Variants in GSTCD observed in about 807,000 individuals in gnomAD.
GSTCD encodes the protein glutathione S-transferase C-terminal domain containing, also known as glutathione S-transferase C-terminal domain-containing protein.
A neutral mutation model predicts 68.3 loss-of-function variants in GSTCD; 44 were observed. The observed-to-expected ratio is 0.64, with a 90% CI of 0.51 to 0.83. The LOEUF (loss-of-function observed/expected upper bound fraction) is 0.83. Ranked by LOEUF, GSTCD falls within the 40% of genes least tolerant of loss-of-function variation. The probability of loss-of-function intolerance (pLI) is 0.00; values close to 1 mark genes in which losing one functional copy is unlikely to be tolerated. For synonymous variants in GSTCD, 273 were observed against 255.2 expected (o/e 1.07, Z -0.67); for missense variants, 739 against 735.9 (o/e 1.00, Z -0.05).
intron 5 of GSTCD, among the ~76,000 whole-genome samples, chr4:105,744,216 G>A (rs1578429104): frequency 1.3e-5 from 2 of 152,306 alleles, no homozygotes. Context: ...ATTTTGGGCA[G>A]GAATATCACA....
chr4:105,746,393 A>C (rs1217612229), intron 5 of GSTCD: 1 of 152,238 alleles, frequency 6.6e-6, no homozygotes, highest in Admixed American at 6.6e-5. Context: ...GAGCATTTCA[A>C]ACCTGTGGGT....
chr4:105,721,648 TTTTG>T (rs1732861498), intron 3 of GSTCD, among the ~76,000 whole-genome samples: 1 of 152,100 alleles, frequency 6.6e-6, no homozygotes, highest in South Asian at 2.1e-4. Context: ...GAGGTGTTTT[TTTTG>T]TTTTTTTTTA....
chr4:105,751,833 T>C (rs796343091), intron 5 of GSTCD, among the ~76,000 whole-genome samples: 3 of 152,322 alleles, frequency 2.0e-5, no homozygotes, highest in African/African-American at 7.2e-5. Flanking sequence ...AAACTAAGTA[T>C]CTTATTTTGA....
At chr4:105,828,200 G>C (rs1578516954) in intron 8 of GSTCD, among the ~76,000 whole-genome samples, 2 of 152,028 alleles carry the variant, frequency 1.3e-5, no homozygotes, top group African/African-American at 4.8e-5. Context: ...TCTAGTTATT[G>C]GTATTTGCTT....
chr4:105,791,354 C>T (rs913217889), intron 5 of GSTCD, among the ~76,000 whole-genome samples: 4 of 146,350 alleles, frequency 2.7e-5, no homozygotes, highest in African/African-American at 7.7e-5. Context: ...GATCGCGCCA[C>T]TGCACTCCAG....
intron 5 of GSTCD, among the ~76,000 whole-genome samples, chr4:105,803,146 C>T (rs1431083880): frequency 6.6e-6 from 1 of 152,108 alleles, no homozygotes; most frequent in Admixed American, 6.6e-5. Flanking sequence ...AATACCAAAA[C>T]ATTTGTTCCT....
chr4:105,794,885 A>ATCTG lies in GSTCD; in HGVS notation c.1241-28066_1241-28065insGTCT, dbSNP rs1256056253. On this transcript the variant is annotated intron_variant, in intron 5 of 11. Coordinates refer to ENST00000515279, the MANE Select transcript of GSTCD (RefSeq NM_001370181.1). ...TATCTATCTATCTATCTATCTATCT[A>ATCTG]TCTATCTATGAGACAGAGTCTCACT... Among the ~76,000 whole-genome samples the ATCTG allele has an allele frequency of 4.7e-5, 6 of 128,944 alleles. No homozygotes were observed. In the South Asian group the frequency reaches 7.2e-4, roughly 16 times the overall value. The allele number at this position is 128,944 out of a possible 152,430, so 84.6% of individuals were successfully genotyped here.
intron 5 of GSTCD, among the ~76,000 whole-genome samples, chr4:105,771,140 T>C (rs1039664990): frequency 6.6e-5 from 10 of 152,178 alleles, no homozygotes; most frequent in Middle Eastern, 3.2e-3. Flanking sequence ...GAGTTTTTTT[T>C]CCATATGTTT....
chr4:105,838,535 A>T (rs534577424), intron 10 of GSTCD, among the ~76,000 whole-genome samples: 1 of 152,228 alleles, frequency 6.6e-6, no homozygotes, highest in Non-Finnish European at 1.5e-5. Context: ...AAGCCACACA[A>T]AAACTGGTCA....
chr4:105,796,164 G>A (rs1382514628), intron 5 of GSTCD, among the ~76,000 whole-genome samples: 1 of 152,212 alleles, frequency 6.6e-6, no homozygotes, highest in East Asian at 1.9e-4. Context: ...AAAGACAAGG[G>A]AGAGCAAGTC....
intron 5 of GSTCD, among the ~76,000 whole-genome samples, chr4:105,818,511 C>G (rs1450169474): frequency 6.6e-6 from 1 of 151,776 alleles, no homozygotes; most frequent in Non-Finnish European, 1.5e-5. Context: ...ATGAGGTTAG[C>G]AAATTAATCA....
intron 5 of GSTCD, among the ~76,000 whole-genome samples, chr4:105,739,051 T>C (rs1025835736): frequency 6.6e-6 from 1 of 152,234 alleles, no homozygotes; most frequent in Non-Finnish European, 1.5e-5. Flanking sequence ...ACAAAGGATG[T>C]TGAATTTTAT....
chr4:105,810,603 T>C (rs1578495097), intron 5 of GSTCD, among the ~76,000 whole-genome samples: 2 of 152,290 alleles, frequency 1.3e-5, no homozygotes, highest in African/African-American at 4.8e-5. Context: ...ATTTTAACGG[T>C]GAACACTACT....
chr4:105,773,090 G>A (rs1442096722), intron 5 of GSTCD, among the ~76,000 whole-genome samples: 1 of 152,184 alleles, frequency 6.6e-6, no homozygotes, highest in African/African-American at 2.4e-5. Context: ...TCCTGGGAAG[G>A]TGTATGTGTC....
chr4:105,766,576 A>G (rs2544402), intron 5 of GSTCD, among the ~76,000 whole-genome samples: 124,537 of 152,124 alleles, frequency 0.82, 51,313 homozygotes, highest in East Asian at 0.96. Flanking sequence ...AATTAATTCT[A>G]TTTTTGTCAT....
chr4:105,736,328 G>T (rs1277806091), intron 5 of GSTCD, among the ~76,000 whole-genome samples: 4 of 152,108 alleles, frequency 2.6e-5, no homozygotes, highest in Non-Finnish European at 5.9e-5. Context: ...TGGTAATCTT[G>T]TGGGGCTTGG....
At chr4:105,738,403 T>G (rs138527591) in intron 5 of GSTCD, among the ~76,000 whole-genome samples, 92 of 152,280 alleles carry the variant, frequency 6.0e-4, no homozygotes, top group African/African-American at 2.2e-3. Context: ...ATTTTAGGAT[T>G]TTTTTTCTAT....
chr4:105,837,825 G>T (rs1426834338), intron 9 of GSTCD, 34 bp from the exon 10 acceptor site: 9 of 879,138 alleles, frequency 1.0e-5, no homozygotes, highest in Non-Finnish European at 1.6e-5. Context: ...TTAATATTTA[G>T]AATGATGACT....
At position 105,772,187 on chromosome 4, in the gene GSTCD, A is replaced by G. The variant is rs374637070; in HGVS notation, c.1240+42688A>G. On this transcript the variant is annotated intron_variant, in intron 5 of 11. Coordinates refer to ENST00000515279, the MANE Select transcript of GSTCD (RefSeq NM_001370181.1). ...GTTTGTCCATTATTGGTGCATAGCAATGCTTGTGATTTTTGCACACTACTT... is the reference window on the plus strand; with the variant it reads ...GTTTGTCCATTATTGGTGCATAGCAGTGCTTGTGATTTTTGCACACTACTT... Among the ~76,000 whole-genome samples the G allele has an allele frequency of 2.6e-5, 4 of 152,292 alleles. No homozygotes were observed. In the East Asian group the frequency reaches 5.8e-4, roughly 22 times the overall value.
Sources: allele counts gnomAD v4.1 joint callset (sites outside exome capture counted in the v4.1 genomes callset), GRCh38; gene constraint gnomAD v4.1.1; transcripts MANE v1.5; gene names NCBI Gene and HGNC (gene_info 2026-07-23, HGNC 2026-07-21).